The following ITGAM variants were observed in gnomAD, a reference collection of about 807,000 sequenced individuals.
The protein encoded by ITGAM is integrin alpha-M.
ITGAM carries 79 observed loss-of-function variants against 137.5 expected under a neutral mutation model. The observed-to-expected ratio is 0.57, with a 90% CI of 0.48 to 0.69. The LOEUF is 0.69. ITGAM is among the 30% of genes least tolerant of loss of function. The probability of loss-of-function intolerance (pLI) is 0.00; values close to 1 mark genes in which losing one functional copy is unlikely to be tolerated. For synonymous variants in ITGAM, 583 were observed against 592.3 expected, an observed-to-expected ratio of 0.98 and a Z score of 0.23; for missense variants, 1,343 against 1,483.5, an observed-to-expected ratio of 0.91 and a Z score of 1.56.
chr16:31,264,733 G>T (rs2079744407), intron 2 of ITGAM, among the ~76,000 whole-genome samples: 1 of 152,158 alleles, frequency 6.6e-6, no homozygotes, highest in African/African-American at 2.4e-5. Flanking sequence ...TAGAGATGGG[G>T]TCTGGCTATG....
At chr16:31,312,935 T>A (rs1294028021) in intron 14 of ITGAM, among the ~76,000 whole-genome samples, 1 of 151,328 alleles carries the variant, frequency 6.6e-6, no homozygotes, top group Non-Finnish European at 1.5e-5. Flanking sequence ...AAATTACACA[T>A]TGGGCCAGGC....
rs559476571 is a variant in ITGAM at position 31,332,215 on chromosome 16, C to G, written c.*508C>G. The G allele has an allele frequency of 6.5e-6, 1 of 153,168 alleles. No individual in the cohort carries two copies. The highest frequency in any genetic ancestry group is 2.0e-4 in the South Asian group (1 of 4,898). 9.5% of individuals were successfully genotyped at this position (153,168 alleles called of 1,614,324 possible). ...CTGTGGGTGAAGACAGAGGGAAACA[C>G]AGCAGCTTCTCTCCACTGAAAGAAG... On this transcript the variant is annotated 3_prime_UTR_variant, in exon 30 of 30. Transcript: ENST00000544665.
intron 8 of ITGAM, 131 bp downstream of exon 8, chr16:31,273,649 C>A (rs1037428099): frequency 2.4e-6 from 2 of 834,264 alleles, no homozygotes; most frequent in Admixed American, 5.3e-5. Context: ...TACACCGTAT[C>A]AGCTATCTGT....
At chr16:31,281,530 A>G (rs1191573020) in intron 12 of ITGAM, among the ~76,000 whole-genome samples, 5 of 152,040 alleles carry the variant, frequency 3.3e-5, no homozygotes, top group Admixed American at 6.6e-5. Flanking sequence ...GTATTCTCTG[A>G]TGGTAGTTTG....
intron 26 of ITGAM, 52 bp downstream of exon 26, chr16:31,330,216 T>A: frequency 6.3e-7 from 1 of 1,596,500 alleles, no homozygotes; most frequent in Non-Finnish European, 8.6e-7. Flanking sequence ...AGCGCTTCCC[T>A]GCTGGAACCT....
chr16:31,324,471 A>G lies in ITGAM; in HGVS notation c.2075A>G (p.Asn692Ser), dbSNP rs756781462. 15 of 1,580,974 alleles carry G rather than the reference A, an allele frequency of 9.5e-6. No homozygotes were observed. Among genetic ancestry groups the G allele is most frequent in the South Asian group, 2.3e-5 (2 of 86,250 alleles). ...SGRPHSRAVF[N>S]ETKNSTRRQT... Reference sequence around the variant, plus strand: ...CGCCCACATTCCCGCGCCGTCTTCAATGAGACAAAGAACAGCACACGCAGA... The same window carrying G: ...CGCCCACATTCCCGCGCCGTCTTCAGTGAGACAAAGAACAGCACACGCAGA... Residue 692 changes from asparagine to serine, a missense_variant, in exon 17 of 30, where the codon AAT becomes AGT. Asn to Ser is a conservative substitution (Grantham distance 46, BLOSUM62 1). Transcript: ENST00000544665. The surrounding 1 kb of genome is among the most constrained non-coding windows in gnomAD (Gnocchi z 4.5).
At chr16:31,299,154 A>G (rs1014519614) in intron 14 of ITGAM, among the ~76,000 whole-genome samples, 1 of 152,204 alleles carries the variant, frequency 6.6e-6, no homozygotes, top group African/African-American at 2.4e-5. Flanking sequence ...TGTACAATGT[A>G]ATACTGTCAT....
intron 5 of ITGAM, among the ~76,000 whole-genome samples, chr16:31,270,699 GTATATATATATATA>G (rs869206231): frequency 0.02 from 516 of 26,016 alleles, 19 homozygotes; most frequent in South Asian, 0.043. Flanking sequence ...GTGTGTGTGT[GTATATATATATATA>G]TATATATATA....
intron 12 of ITGAM, among the ~76,000 whole-genome samples, chr16:31,279,708 A>G (rs1449354015): frequency 6.6e-6 from 1 of 152,170 alleles, no homozygotes; most frequent in Non-Finnish European, 1.5e-5. Context: ...CTCTGATGGT[A>G]GTTTCTTTTG....
intron 14 of ITGAM, among the ~76,000 whole-genome samples, chr16:31,309,596 C>T (rs1186523089): frequency 1.3e-5 from 2 of 152,100 alleles, no homozygotes; most frequent in African/African-American, 4.8e-5. Flanking sequence ...TGGGTCTTGA[C>T]TCTTTATCCA....
At chr16:31,321,979 C>G (rs565297254) in intron 16 of ITGAM, among the ~76,000 whole-genome samples, 1 of 152,324 alleles carries the variant, frequency 6.6e-6, no homozygotes, top group Non-Finnish European at 1.5e-5. Flanking sequence ...AAAGCACTCA[C>G]ATACGCATTT....
intron 23 of ITGAM, 119 bp downstream of exon 23, chr16:31,328,349 C>A: frequency 1.2e-6 from 1 of 800,204 alleles, no homozygotes. Flanking sequence ...GATCTCTGTG[C>A]ATGTATGTGT....
intron 8 of ITGAM, among the ~76,000 whole-genome samples, chr16:31,274,709 G>A (rs9922766): frequency 0.18 from 27,899 of 151,844 alleles, 3,332 homozygotes; most frequent in African/African-American, 0.33. Flanking sequence ...CCACCTCCTG[G>A]GTTCAAGCAG....
chr16:31,262,312 TCCTTCCCTC>T (rs1444466836), intron 2 of ITGAM, among the ~76,000 whole-genome samples: 6 of 144,316 alleles, frequency 4.2e-5, no homozygotes, highest in East Asian at 2.1e-4. Flanking sequence ...CCTCTTTCCC[TCCTTCCCTC>T]CCTTCCCTCC....
chr16:31,324,584 C>T lies in ITGAM; in HGVS notation c.2157+31C>T, dbSNP rs1416502568. On this transcript the variant is annotated intron_variant, in intron 17 of 29. Coordinates refer to ENST00000544665, the MANE Select transcript of ITGAM (RefSeq NM_000632.4). This position sits in a 1 kb window ranked among gnomAD's most constrained non-coding sequence, Gnocchi z 4.5. ...CAGGCTAGTGGCCAGACCCCTGGGT[C>T]TTCCAAGCATGGAGTGGGCTTGGGG... The T allele has an allele frequency of 6.2e-7, 1 of 1,610,420 alleles. No homozygotes were observed. Among genetic ancestry groups the T allele is most frequent in the Non-Finnish European group, 8.5e-7 (1 of 1,178,376 alleles).
At chr16:31,310,732 T>C (rs2080319100) in intron 14 of ITGAM, among the ~76,000 whole-genome samples, 1 of 152,226 alleles carries the variant, frequency 6.6e-6, no homozygotes, top group South Asian at 2.1e-4. Context: ...GTTCCGTTGC[T>C]GGTGAGGAGC....
At chr16:31,270,160 TTCCTTTCCTTTC>T (rs1229926870) in intron 5 of ITGAM, among the ~76,000 whole-genome samples, 17 of 140,224 alleles carry the variant, frequency 1.2e-4, no homozygotes, top group South Asian at 6.6e-4. Flanking sequence ...TTCCTTTCCT[TTCCTTTCCTTTC>T]CTTTCCTTTC....
intron 21 of ITGAM, among the ~76,000 whole-genome samples, chr16:31,326,089 A>G (rs2080505725): frequency 6.6e-6 from 1 of 151,912 alleles, no homozygotes. Context: ...ATGAAATAAA[A>G]TAAAATAAAG....
chr16:31,265,090 A>G (rs901122817), intron 2 of ITGAM, among the ~76,000 whole-genome samples: 2 of 151,826 alleles, frequency 1.3e-5, no homozygotes, highest in African/African-American at 4.8e-5. Context: ...GCTGATCTTG[A>G]ACTCCTGAGC....
Sources: gnomAD v4.1 joint callset for allele counts (sites outside exome capture counted in the v4.1 genomes callset) on GRCh38, gnomAD v4.1.1 for gene constraint, Gnocchi (gnomAD v3.1) non-coding constraint, MANE v1.5 for transcripts, NCBI Gene and HGNC (gene_info 2026-07-23, HGNC 2026-07-21) for gene names.